Variants in SCN4A observed in about 807,000 individuals in gnomAD.
SCN4A encodes sodium voltage-gated channel alpha subunit 4.
In SCN4A, 83 loss-of-function variants were observed where a neutral mutation model predicts 162.0. The observed-to-expected ratio is 0.51, with a 90% CI of 0.43 to 0.61. The LOEUF (loss-of-function observed/expected upper bound fraction) is 0.61. Among genes scored for constraint, SCN4A ranks in the 20% least tolerant of loss-of-function variants. The probability of loss-of-function intolerance (pLI) is 0.00; values close to 1 mark genes in which losing one functional copy is unlikely to be tolerated. For missense variants in SCN4A, 2,196 were observed against 2,462.5 expected, an observed-to-expected ratio of 0.89 and a Z score of 2.29; for synonymous variants, 944 against 985.1, an observed-to-expected ratio of 0.96 and a Z score of 0.78.
In SCN4A at chr17:63,949,486, T is replaced by C; in HGVS notation, c.2896A>G (p.Ser966Gly). 1 of 1,612,840 alleles carries C rather than the reference T, an allele frequency of 6.2e-7. No individual in the cohort carries two copies. Among genetic ancestry groups the C allele is most frequent in the South Asian group, 1.1e-5 (1 of 90,910 alleles). The change falls in exon 15 of 24, where the codon AGC (serine) becomes GGC (glycine). Residue 966 changes from serine to glycine, a missense_variant. Transcript: ENST00000435607. The stretch of plus-strand genomic sequence containing the variant: ...TCGGGGGGCTTGTAGTCAGCTGTGC[T>C]GCAGACGGACGAGTTCCCATCATAG... Reference protein sequence around the residue: ...PLYDGNSSVCSTADYKPPEED... With the variant: ...PLYDGNSSVCGTADYKPPEED...
At chr17:63,970,015 C>A (rs934902390) in intron 5 of SCN4A, among the ~76,000 whole-genome samples, 12 of 152,154 alleles carry the variant, frequency 7.9e-5, no homozygotes, top group Non-Finnish European at 1.5e-4. Context: ...CTTTTTCTTT[C>A]TCTCCTTTAC....
chr17:63,966,627 A>G, intron 6 of SCN4A, 83 bp from the exon 7 acceptor site: 2 of 1,038,760 alleles, frequency 1.9e-6, no homozygotes, highest in Non-Finnish European at 3.0e-6. Flanking sequence ...ACACCTGTGG[A>G]CAGGTCTGCG....
Position 63,941,418 on chromosome 17 carries a change from C to G in SCN4A, c.4864G>C (p.Glu1622Gln), listed in dbSNP as rs369430918. 1.9e-6 allele frequency: 3 copies of G among 1,614,044 alleles called. No homozygotes were observed. The highest frequency in any genetic ancestry group is 2.5e-6 in the Non-Finnish European group (3 of 1,179,996). ...LGEDDFEMFYETWEKFDPDAT... is the reference protein window; with the variant it reads ...LGEDDFEMFYQTWEKFDPDAT... ...TCGGGGTCGAACTTCTCCCATGTCTCGTAGAACATCTCAAAGTCATCTTCA... is the reference window on the plus strand; with the variant it reads ...TCGGGGTCGAACTTCTCCCATGTCTGGTAGAACATCTCAAAGTCATCTTCA... Residue 1622 changes from glutamate (E) to glutamine (Q), a missense_variant, in exon 24 of 24, where the codon GAG (glutamate) becomes CAG (glutamine). Transcript: ENST00000435607. This position sits in a 1 kb window ranked among gnomAD's most constrained non-coding sequence, Gnocchi z 6.2.
chr17:63,943,164 C>A, intron 22 of SCN4A, 68 bp from the exon 23 acceptor site: 12 of 1,509,866 alleles, frequency 7.9e-6, no homozygotes, highest in Non-Finnish European at 1.1e-5. Flanking sequence ...CATGGACAGG[C>A]AGGAGGCACA....
rs1189124411 is a variant in SCN4A at position 63,941,478 on chromosome 17, T to G, written c.4804A>C (p.Asn1602His). ...MYIAIILENFNVATEESSEPL... is the reference protein window; with the variant it reads ...MYIAIILENFHVATEESSEPL... Reference sequence around the variant, plus strand: ...TCGCTGCTCTCCTCTGTGGCCACATTGAAGTTCTCCAGGATGATGGCGATG... The same window carrying G: ...TCGCTGCTCTCCTCTGTGGCCACATGGAAGTTCTCCAGGATGATGGCGATG... Residue 1602 changes from asparagine to histidine, a missense_variant, in exon 24 of 24, where the codon AAT becomes CAT. By Grantham distance (68) the Asn-to-His change is moderately conservative. Coordinates refer to ENST00000435607, the MANE Select transcript of SCN4A (RefSeq NM_000334.4). This position sits in a 1 kb window ranked among gnomAD's most constrained non-coding sequence, Gnocchi z 6.2. 4 of 1,613,910 alleles carry G rather than the reference T, an allele frequency of 2.5e-6. No individual in the cohort carries two copies. Among genetic ancestry groups the G allele is most frequent in the Non-Finnish European group, 3.4e-6 (4 of 1,180,018 alleles).
chr17:63,965,582 G>A (rs1395641275), intron 8 of SCN4A, among the ~76,000 whole-genome samples: 3 of 151,996 alleles, frequency 2.0e-5, no homozygotes, highest in South Asian at 4.1e-4. Flanking sequence ...TCCGCCTCCC[G>A]GGTTCAAGCA....
chr17:63,949,571 G>A, intron 14 of SCN4A, 43 bp from the exon 15 acceptor site: 1 of 1,557,104 alleles, frequency 6.4e-7, no homozygotes, highest in Non-Finnish European at 8.7e-7. Flanking sequence ...GTCCCTGAGA[G>A]ACCCCCTCAT....
Position 63,945,199 on chromosome 17 carries a change from A to T in SCN4A, c.3721-139T>A. The T allele has an allele frequency of 9.7e-7, 1 of 1,035,436 alleles. No individual in the cohort carries two copies. Among genetic ancestry groups the T allele is most frequent in the Non-Finnish European group, 1.4e-6 (1 of 693,342 alleles). The allele number at this position is 1,035,436 out of a possible 1,614,324, so 64.1% of individuals were successfully genotyped here. A position where few individuals can be genotyped will look rare whatever the true frequency, so the allele number is the denominator to read the frequency against. On this transcript the variant is annotated intron_variant, in intron 19 of 23. Coordinates refer to ENST00000435607, the MANE Select transcript of SCN4A (RefSeq NM_000334.4). This position sits in a 1 kb window ranked among gnomAD's most constrained non-coding sequence, Gnocchi z 4.4. Reference sequence around the variant, plus strand: ...GCCCCACTGGGCTAGCATCAAATAAAGACCAGAGAGGTCTAGACACTGCCT... The same window carrying T: ...GCCCCACTGGGCTAGCATCAAATAATGACCAGAGAGGTCTAGACACTGCCT...
rs1281304637 is a variant in SCN4A, at chr17:63,950,103, G to A, written c.2854-575C>T. Reference sequence around the variant, plus strand: ...GTGGGGGAGGCGGGTGCTCCAGCCGGGCCAGGCTTCCTCCCACCTCCTCCT... The same window carrying A: ...GTGGGGGAGGCGGGTGCTCCAGCCGAGCCAGGCTTCCTCCCACCTCCTCCT... On this transcript the variant is annotated intron_variant, in intron 14 of 23. Coordinates refer to ENST00000435607, the MANE Select transcript of SCN4A (RefSeq NM_000334.4). This position sits in a 1 kb window ranked among gnomAD's most constrained non-coding sequence, Gnocchi z 4.6. Among the ~76,000 whole-genome samples, 1 of 152,100 alleles carries A rather than the reference G, an allele frequency of 6.6e-6. No individual in the cohort carries two copies. The highest frequency in any genetic ancestry group is 1.5e-5 in the Non-Finnish European group (1 of 68,000).
At chr17:63,942,079 G>T in intron 23 of SCN4A, 86 bp from the exon 24 acceptor site, 3 of 1,293,204 alleles carry the variant, frequency 2.3e-6, no homozygotes, top group Non-Finnish European at 3.1e-6. Flanking sequence ...CAGGGGGCCC[G>T]GCCTGGTGTG....
rs1172297404 is a variant in SCN4A at position 63,950,505 on chromosome 17, T to C, written c.2853+919A>G. Among the ~76,000 whole-genome samples the C allele has an allele frequency of 1.3e-5, 2 of 152,214 alleles. No individual in the cohort carries two copies. Among genetic ancestry groups the C allele is most frequent in the African/African-American group, 4.8e-5 (2 of 41,460 alleles). Reference sequence around the variant, plus strand: ...GCTCCCCCGCCACCTGAGTGCCTCATACCGAGGTCTGTGCCACAGTTGCCT... The same window carrying C: ...GCTCCCCCGCCACCTGAGTGCCTCACACCGAGGTCTGTGCCACAGTTGCCT... On this transcript the variant is annotated intron_variant, in intron 14 of 23. Coordinates refer to ENST00000435607, the MANE Select transcript of SCN4A (RefSeq NM_000334.4). The surrounding 1 kb of genome is among the most constrained non-coding windows in gnomAD (Gnocchi z 4.6).
At chr17:63,963,904 T>C in intron 9 of SCN4A, 79 bp from the exon 10 acceptor site, 1 of 1,375,040 alleles carries the variant, frequency 7.3e-7, no homozygotes, top group Non-Finnish European at 9.8e-7. Context: ...CAGAGCTTCT[T>C]CCAGAGTCCT....
Position 63,959,446 on chromosome 17 carries a change from G to T in SCN4A, c.1846-8C>A. On this transcript the variant is annotated splice_polypyrimidine_tract_variant and splice_region_variant and intron_variant, in intron 11 of 23. Transcript: ENST00000435607. ...GAAGATGCCTGTGAAGACCTAGGGGGTGGCATGAGGCCCTGTCACAGAGCC... is the reference window on the plus strand; with the variant it reads ...GAAGATGCCTGTGAAGACCTAGGGGTTGGCATGAGGCCCTGTCACAGAGCC... 9 of 1,612,268 alleles carry T rather than the reference G, an allele frequency of 5.6e-6. No individual in the cohort carries two copies. The highest frequency in any genetic ancestry group is 7.6e-6 in the Non-Finnish European group (9 of 1,179,084).
chr17:63,971,325 C>T, intron 4 of SCN4A, 72 bp from the exon 5 acceptor site: 1 of 847,084 alleles, frequency 1.2e-6, no homozygotes, highest in Non-Finnish European at 2.0e-6. Flanking sequence ...ATCAGGGCTC[C>T]TCCAGGCCTG....
At chr17:63,968,432 A>G in intron 5 of SCN4A, 77 bp from the exon 6 acceptor site, 1 of 1,251,846 alleles carries the variant, frequency 8.0e-7, no homozygotes, top group Non-Finnish European at 1.1e-6. Flanking sequence ...CCCCACCGCC[A>G]AGCTTTTTCC....
At chr17:63,962,416 G>A (rs977854459) in intron 10 of SCN4A, among the ~76,000 whole-genome samples, 10 of 152,196 alleles carry the variant, frequency 6.6e-5, no homozygotes, top group Admixed American at 2.0e-4. Context: ...TGTAAGGACC[G>A]TGGGACAAAG....
At chr17:63,961,092 C>G in intron 11 of SCN4A, 101 bp downstream of exon 11, 1 of 490,302 alleles carries the variant, frequency 2.0e-6, no homozygotes, top group Non-Finnish European at 3.7e-6. Flanking sequence ...CCGCATGTGT[C>G]CCCCACCGTG....
Position 63,971,844 on chromosome 17 carries a change from G to C in SCN4A, c.489C>G (p.Thr163=), listed in dbSNP as rs146590697. The C allele has an allele frequency of 9.0e-3, 14,229 of 1,576,938 alleles. 144 individuals are homozygous for C. The highest frequency in any genetic ancestry group is 0.059 in the Middle Eastern group (352 of 5,950). The part of the protein sequence containing the change: ...PPPWSKNVEY[T]FTGIYTFESL... ...ACTCAAAGGTGTAGATCCCTGTGAA[G>C]GTGTACCTGGGGGGGAGAGGGCCGG... Residue 163 remains threonine, a synonymous_variant, in exon 4 of 24, where the codon ACC becomes ACG. Transcript: ENST00000435607.
At position 63,957,454 on chromosome 17, in the gene SCN4A, T is replaced by C; in HGVS notation, c.2084A>G (p.Asn695Ser). ...CAGGTTACCCAGCGCCCCCACTGAATTGCCAATGATCTTGATGAGCATGTT... is the reference window on the plus strand; with the variant it reads ...CAGGTTACCCAGCGCCCCCACTGAACTGCCAATGATCTTGATGAGCATGTT... ...TLNMLIKIIGNSVGALGNLTL... is the reference protein window; with the variant it reads ...TLNMLIKIIGSSVGALGNLTL... The change falls in exon 13 of 24, where the codon AAT becomes AGT. Residue 695 changes from asparagine (N) to serine (S), a missense_variant. Transcript: ENST00000435607. 1.9e-6 allele frequency: 3 copies of C among 1,613,964 alleles called. No homozygotes were observed. Among genetic ancestry groups the C allele is most frequent in the East Asian group, 2.2e-5 (1 of 44,886 alleles).
Sources: allele counts gnomAD v4.1 joint callset (sites outside exome capture counted in the v4.1 genomes callset), GRCh38; gene constraint gnomAD v4.1.1; non-coding constraint Gnocchi (gnomAD v3.1); transcripts MANE v1.5; gene names NCBI Gene and HGNC (gene_info 2026-07-23, HGNC 2026-07-21).